Variants in LRBA observed in about 807,000 individuals in gnomAD.
The protein encoded by LRBA is LPS responsive beige-like anchor protein, also known as lipopolysaccharide-responsive and beige-like anchor protein.
Under a neutral mutation model 330.0 loss-of-function variants are expected in LRBA, and 176 were observed. That is an observed-to-expected ratio of 0.53 (90% CI 0.47 to 0.60). The LOEUF (loss-of-function observed/expected upper bound fraction) is 0.60. Among genes scored for constraint, LRBA ranks in the 20% least tolerant of loss-of-function variants. The pLI is 0.00. For synonymous variants in LRBA, 1,230 were observed against 1,193.0 expected, an observed-to-expected ratio of 1.03 and a Z score of -0.64; for missense variants, 3,259 against 3,444.8, an observed-to-expected ratio of 0.95 and a Z score of 1.35.
At chr4:150,905,029 T>C (rs1052857113) in intron 13 of LRBA, among the ~76,000 whole-genome samples, 2 of 152,306 alleles carry the variant, frequency 1.3e-5, no homozygotes, top group African/African-American at 2.4e-5. Flanking sequence ...GATACAATTA[T>C]GCAATTTAAT....
chr4:150,282,802 A>C (rs1747700549), intron 54 of LRBA, among the ~76,000 whole-genome samples, 156 bp from the exon 55 acceptor site: 1 of 152,226 alleles, frequency 6.6e-6, no homozygotes, highest in African/African-American at 2.4e-5. Context: ...TATTTTGCAA[A>C]ATCTCCTCTT....
intron 47 of LRBA, among the ~76,000 whole-genome samples, chr4:150,365,559 A>G (rs1002582127): frequency 4.6e-5 from 7 of 152,178 alleles, no homozygotes; most frequent in Admixed American, 4.6e-4. Context: ...TGGGAGGTCA[A>G]GATGGACAGA....
chr4:150,739,365 G>C (rs1731634639), intron 35 of LRBA, among the ~76,000 whole-genome samples: 1 of 151,868 alleles, frequency 6.6e-6, no homozygotes, highest in Non-Finnish European at 1.5e-5. Context: ...AAAAAAAACA[G>C]GCAAAATGCG....
At chr4:150,384,078 T>C (rs1345586613) in intron 47 of LRBA, among the ~76,000 whole-genome samples, 1 of 152,004 alleles carries the variant, frequency 6.6e-6, no homozygotes, top group Non-Finnish European at 1.5e-5. Context: ...TTGTTCTTGT[T>C]GCCCAGGCTG....
At chr4:150,807,680 C>G (rs1005057045) in intron 32 of LRBA, among the ~76,000 whole-genome samples, 1 of 152,002 alleles carries the variant, frequency 6.6e-6, no homozygotes, top group East Asian at 1.9e-4. Flanking sequence ...GAGTCTCACT[C>G]TGTCTCCCAG....
intron 44 of LRBA, among the ~76,000 whole-genome samples, chr4:150,446,497 T>C (rs1339837184): frequency 6.6e-6 from 1 of 152,222 alleles, no homozygotes; most frequent in Non-Finnish European, 1.5e-5. Flanking sequence ...GAGTAGATTA[T>C]TAGCAATGTG....
chr4:150,360,518 C>T (rs1372117780), intron 47 of LRBA, among the ~76,000 whole-genome samples: 2 of 152,126 alleles, frequency 1.3e-5, no homozygotes, highest in Non-Finnish European at 2.9e-5. Context: ...CCACATGTGA[C>T]TAGTGGTTAT....
At chr4:150,401,979 T>G in intron 47 of LRBA, among the ~76,000 whole-genome samples, 1 of 151,422 alleles carries the variant, frequency 6.6e-6, no homozygotes, top group African/African-American at 2.4e-5. Context: ...AGGTTAACAA[T>G]AGTGAACCTG....
intron 2 of LRBA, among the ~76,000 whole-genome samples, chr4:150,939,404 T>C (rs1216988258): frequency 6.6e-6 from 1 of 152,182 alleles, no homozygotes; most frequent in African/African-American, 2.4e-5. Flanking sequence ...GTGATACTTC[T>C]ATATGCCAAA....
At chr4:150,406,199 C>T (rs1462636808) in intron 47 of LRBA, among the ~76,000 whole-genome samples, 1 of 151,566 alleles carries the variant, frequency 6.6e-6, no homozygotes, top group Non-Finnish European at 1.5e-5. Context: ...AACAGAAAAA[C>T]AAAAAGACCC....
At chr4:150,965,032 G>A (rs1000429258) in intron 2 of LRBA, among the ~76,000 whole-genome samples, 1 of 152,222 alleles carries the variant, frequency 6.6e-6, no homozygotes, top group Non-Finnish European at 1.5e-5. Context: ...TAGAGTTCTG[G>A]AGGGAGAATA....
At chr4:150,585,904 G>C (rs960699808) in intron 40 of LRBA, among the ~76,000 whole-genome samples, 10 of 152,172 alleles carry the variant, frequency 6.6e-5, no homozygotes, top group African/African-American at 2.4e-4. Context: ...CTGAAGCCTA[G>C]TTCACTTGAC....
intron 2 of LRBA, among the ~76,000 whole-genome samples, chr4:150,985,463 G>A (rs1422956061): frequency 6.6e-6 from 1 of 150,572 alleles, no homozygotes; most frequent in Non-Finnish European, 1.5e-5. Flanking sequence ...ATAAATACAG[G>A]TTGAAATCTA....
At chr4:150,630,304 TGTG>T (rs1777251224) in intron 37 of LRBA, among the ~76,000 whole-genome samples, 1 of 152,172 alleles carries the variant, frequency 6.6e-6, no homozygotes, top group African/African-American at 2.4e-5. Flanking sequence ...CCTAAAAAGA[TGTG>T]TTGACATCAA....
At chr4:150,518,007 T>G (rs902044297) in intron 40 of LRBA, among the ~76,000 whole-genome samples, 5 of 152,242 alleles carry the variant, frequency 3.3e-5, no homozygotes, top group Admixed American at 3.3e-4. Context: ...CTTCACAATT[T>G]TATAGATAAA....
At chr4:150,322,089 G>A (rs1732594739) in intron 49 of LRBA, among the ~76,000 whole-genome samples, 1 of 152,228 alleles carries the variant, frequency 6.6e-6, no homozygotes, top group African/African-American at 2.4e-5. Flanking sequence ...TTCTGCTGTA[G>A]CTAGGAATAA....
At chr4:150,274,954 A>C (rs976588343) in intron 56 of LRBA, among the ~76,000 whole-genome samples, 9 of 152,338 alleles carry the variant, frequency 5.9e-5, no homozygotes, top group Non-Finnish European at 1.3e-4. Flanking sequence ...CCTGATACCA[A>C]AACCTGGCAG....
intron 36 of LRBA, among the ~76,000 whole-genome samples, chr4:150,696,678 T>C (rs1784644389): frequency 2.0e-5 from 3 of 151,956 alleles, no homozygotes; most frequent in Admixed American, 1.3e-4. Context: ...ATAGACAGTA[T>C]GTTTGGAAAG....
At chr4:150,709,827 A>C (rs972522892) in intron 36 of LRBA, among the ~76,000 whole-genome samples, 12 of 152,042 alleles carry the variant, frequency 7.9e-5, no homozygotes, top group African/African-American at 1.2e-4. Flanking sequence ...GGTGGGGGTA[A>C]AGGATGAGAG....
Sources: gnomAD v4.1 joint callset for allele counts (sites outside exome capture counted in the v4.1 genomes callset) on GRCh38, gnomAD v4.1.1 for gene constraint, MANE v1.5 for transcripts, NCBI Gene and HGNC (gene_info 2026-07-23, HGNC 2026-07-21) for gene names.